The following GREB1 variants were observed in gnomAD, a reference collection of about 807,000 sequenced individuals.
GREB1 encodes growth regulating estrogen receptor binding 1, also known as protein GREB1.
Under a neutral mutation model 200.7 loss-of-function variants are expected in GREB1, and 106 were observed. That is an observed-to-expected ratio of 0.53 (90% CI 0.45 to 0.62). The LOEUF is 0.62. GREB1 is among the 20% of genes least tolerant of loss of function. GREB1 has a pLI of 0.00. For missense variants in GREB1, 2,243 were observed against 2,556.8 expected, an observed-to-expected ratio of 0.88 and a Z score of 2.65; for synonymous variants, 1,132 against 1,092.4, an observed-to-expected ratio of 1.04 and a Z score of -0.72.
At chr2:11,500,864 G>C (rs1673018967) in intron 1 of GREB1, among the ~76,000 whole-genome samples, 1 of 152,182 alleles carries the variant, frequency 6.6e-6, no homozygotes, top group Non-Finnish European at 1.5e-5. Flanking sequence ...CAGAGTAAGA[G>C]GAATGGCAGA....
rs1408084967 is a variant in GREB1, at chr2:11,632,259, T to A, written c.4816+146T>A. Reference sequence around the variant, plus strand: ...CTATTTTCATTTTGTCTGACTTTTTTATGCAGTCTTCCCCCGCTACCCGCA... The same window carrying A: ...CTATTTTCATTTTGTCTGACTTTTTAATGCAGTCTTCCCCCGCTACCCGCA... On this transcript the variant is annotated intron_variant, in intron 27 of 32. Transcript: ENST00000381486. 8.0e-6 allele frequency: 5 copies of A among 621,564 alleles called. No homozygotes were observed. The East Asian group carries it at 1.4e-4, about 17-fold the overall frequency. The allele number at this position is 621,564 out of a possible 1,614,324, so 38.5% of individuals were successfully genotyped here. A position where few individuals can be genotyped will look rare whatever the true frequency, so the allele number is the denominator to read the frequency against.
intron 1 of GREB1, among the ~76,000 whole-genome samples, chr2:11,496,457 G>A (rs1036788314): frequency 6.6e-6 from 1 of 152,086 alleles, no homozygotes; most frequent in African/African-American, 2.4e-5. Context: ...CTAATACCCA[G>A]AGAGATTTCT....
chr2:11,518,848 C>CAGCACTTTGGG (rs1558497496), intron 1 of GREB1, among the ~76,000 whole-genome samples: 1 of 152,014 alleles, frequency 6.6e-6, no homozygotes, highest in African/African-American at 2.4e-5. Flanking sequence ...TCTGTAATCC[C>CAGCACTTTGGG]AGCACTTTGG....
At chr2:11,533,288 C>T (rs1260902984), upstream of GREB1, among the ~76,000 whole-genome samples, 5 of 152,188 alleles carry the variant, frequency 3.3e-5, no homozygotes, top group African/African-American at 9.6e-5. Context: ...AGAGATCACT[C>T]ATCTTGAAAA....
intron 1 of GREB1, among the ~76,000 whole-genome samples, chr2:11,528,289 C>T (rs756812094): frequency 2.4e-4 from 36 of 152,194 alleles, no homozygotes; most frequent in Non-Finnish European, 4.6e-4. Context: ...TCATTTGTGG[C>T]AGAAAGATCT....
intron 2 of GREB1, among the ~76,000 whole-genome samples, chr2:11,559,621 G>A (rs68152859): frequency 0.069 from 10,484 of 152,186 alleles, 360 homozygotes; most frequent in Middle Eastern, 0.095. Flanking sequence ...GTTGGCATCT[G>A]TGCCATCCCC....
chr2:11,596,337 T>C (rs1572862457), intron 13 of GREB1, 98 bp downstream of exon 13: 2 of 793,876 alleles, frequency 2.5e-6, no homozygotes, highest in African/African-American at 2.4e-5. Context: ...AGAGGGGCCA[T>C]GGCGCAAGTG....
At chr2:11,526,271 T>C (rs182356497) in intron 1 of GREB1, among the ~76,000 whole-genome samples, 187 of 152,268 alleles carry the variant, frequency 1.2e-3, no homozygotes, top group Admixed American at 2.2e-3. Context: ...TTCCTTTATA[T>C]CACTAGTCCT....
chr2:11,607,495 C>A (rs1434253830), intron 17 of GREB1, among the ~76,000 whole-genome samples: 1 of 139,984 alleles, frequency 7.1e-6, no homozygotes, highest in Non-Finnish European at 1.5e-5. Context: ...TATATATACA[C>A]ATATATATAC....
Position 11,598,455 on chromosome 2 carries a change from G to A in GREB1, c.2153-225G>A, listed in dbSNP as rs575644036. ...TCATGAAGCTGGTGCCCCTCGGGAG[G>A]GCTGCTGTACACACAGCCAAGGCTT... On this transcript the variant is annotated intron_variant, in intron 14 of 32. Coordinates refer to ENST00000381486, the MANE Select transcript of GREB1 (RefSeq NM_014668.4). Among the ~76,000 whole-genome samples the A allele has an allele frequency of 2.0e-5, 3 of 152,330 alleles. No homozygotes were observed. In the East Asian group the frequency reaches 5.8e-4, roughly 29 times the overall value.
upstream of GREB1, among the ~76,000 whole-genome samples, chr2:11,529,636 T>C (rs749374746): frequency 2.0e-5 from 3 of 152,220 alleles, no homozygotes; most frequent in Non-Finnish European, 4.4e-5. Context: ...TGTTGATTGA[T>C]ACAAGTTATG....
At chr2:11,627,333 C>T (rs1342950210) in intron 25 of GREB1, among the ~76,000 whole-genome samples, 1 of 152,196 alleles carries the variant, frequency 6.6e-6, no homozygotes, top group Non-Finnish European at 1.5e-5. Context: ...AGTTACCCGA[C>T]CGTGGAGGTG....
At chr2:11,592,188 T>A in intron 10 of GREB1, 2 of 188,456 alleles carry the variant, frequency 1.1e-5, no homozygotes, top group Non-Finnish European at 1.7e-5. Context: ...TTTTTTTTTC[T>A]TTTTTTTTTT....
At chr2:11,526,565 T>A (rs899943554) in intron 1 of GREB1, among the ~76,000 whole-genome samples, 2 of 151,902 alleles carry the variant, frequency 1.3e-5, no homozygotes, top group Non-Finnish European at 2.9e-5. Flanking sequence ...CCTTTTTTTT[T>A]TTTTTTTAGA....
intron 1 of GREB1, among the ~76,000 whole-genome samples, chr2:11,552,697 G>A (rs1017628344): frequency 9.9e-5 from 15 of 152,140 alleles, no homozygotes; most frequent in Admixed American, 8.5e-4. Context: ...GTTTGGTTGT[G>A]GCCACAATGG....
chr2:11,588,626 C>T (rs1024975649), intron 9 of GREB1, 120 bp from the exon 10 acceptor site: 63 of 919,486 alleles, frequency 6.9e-5, no homozygotes, highest in African/African-American at 8.1e-5. Context: ...ACAGGGCACT[C>T]GAGGGACCTG....
chr2:11,619,544 T>C (rs1007274695), intron 22 of GREB1, among the ~76,000 whole-genome samples: 1 of 152,232 alleles, frequency 6.6e-6, no homozygotes, highest in African/African-American at 2.4e-5. Context: ...AAAGAAAATG[T>C]TTCTTACCAA....
intron 1 of GREB1, among the ~76,000 whole-genome samples, chr2:11,491,654 G>A (rs4669736): frequency 0.96 from 146,181 of 152,312 alleles, 70,413 homozygotes; most frequent in Non-Finnish European, 1. Flanking sequence ...CAGAATTTTC[G>A]TAAGACTGAA....
intron 1 of GREB1, among the ~76,000 whole-genome samples, chr2:11,516,500 G>A (rs1673505998): frequency 6.6e-6 from 1 of 152,190 alleles, no homozygotes. Context: ...CATCACCCAG[G>A]GGCTTCAAAC....
Sources: allele counts gnomAD v4.1 joint callset (sites outside exome capture counted in the v4.1 genomes callset), GRCh38; gene constraint gnomAD v4.1.1; transcripts MANE v1.5; gene names NCBI Gene and HGNC (gene_info 2026-07-23, HGNC 2026-07-21).